Variants in B3GALT1 observed in about 807,000 individuals in gnomAD.
B3GALT1 encodes the protein UDP-Gal:betaGlcNAc beta 1,3-galactosyltransferase, polypeptide 1.
Under a neutral mutation model 23.2 loss-of-function variants are expected in B3GALT1, and 10 were observed. The ratio of observed to expected loss-of-function variants is 0.43; its 90% confidence interval spans 0.27 to 0.73. The LOEUF (loss-of-function observed/expected upper bound fraction) is 0.73. Among genes scored for constraint, B3GALT1 ranks in the 30% least tolerant of loss-of-function variants. The probability of loss-of-function intolerance (pLI) is 0.21; values close to 1 mark genes in which losing one functional copy is unlikely to be tolerated. For missense variants in B3GALT1, 299 were observed against 405.4 expected (o/e 0.74, Z 2.25); for synonymous variants, 156 against 141.5 (o/e 1.10, Z -0.73).
At chr2:167,695,083 T>A (rs1686772115) in intron 3 of B3GALT1, among the ~76,000 whole-genome samples, 1 of 152,156 alleles carries the variant, frequency 6.6e-6, no homozygotes, top group Non-Finnish European at 1.5e-5. Context: ...GATTCATTTC[T>A]AATCTTCTTA....
At chr2:167,675,270 G>A (rs1253923602) in intron 3 of B3GALT1, among the ~76,000 whole-genome samples, 1 of 152,144 alleles carries the variant, frequency 6.6e-6, no homozygotes, top group East Asian at 1.9e-4. Flanking sequence ...TCTGAAAACA[G>A]TTTTATGTTA....
chr2:167,619,806 A>G (rs758421932), intron 2 of B3GALT1, among the ~76,000 whole-genome samples: 1 of 150,902 alleles, frequency 6.6e-6, no homozygotes, highest in Admixed American at 6.6e-5. Flanking sequence ...CTATTCATTC[A>G]TTTAGTCAGT....
chr2:167,797,065 A>G (rs1440026765), intron 3 of B3GALT1, among the ~76,000 whole-genome samples: 1 of 152,114 alleles, frequency 6.6e-6, no homozygotes, highest in African/African-American at 2.4e-5. Context: ...TGCTGCACAG[A>G]TCAACCCATC....
At position 167,523,477 on chromosome 2, in the gene B3GALT1, G is replaced by A. The variant is rs139487494; in HGVS notation, c.-410+33200G>A. Among the ~76,000 whole-genome samples the A allele has an allele frequency of 8.4e-4, 126 of 150,530 alleles. 2 individuals carry two copies. In the East Asian group the frequency reaches 0.019, roughly 23 times the overall value. On this transcript the variant is annotated intron_variant, in intron 2 of 4. Coordinates refer to ENST00000392690, the MANE Select transcript of B3GALT1 (RefSeq NM_020981.4). ...TTTTGCTCCTGTCACCCAGGCTGGAGTGCAGTGGCACAATGTCAGCTTACT... is the reference window on the plus strand; with the variant it reads ...TTTTGCTCCTGTCACCCAGGCTGGAATGCAGTGGCACAATGTCAGCTTACT...
intron 1 of B3GALT1, among the ~76,000 whole-genome samples, chr2:167,391,709 G>A (rs531905048): frequency 8.6e-5 from 13 of 152,044 alleles, no homozygotes; most frequent in African/African-American, 3.1e-4. Flanking sequence ...TTGTCTATTA[G>A]AACTTTACCC....
chr2:167,669,166 A>G (rs1381853105), intron 3 of B3GALT1, among the ~76,000 whole-genome samples: 1 of 152,178 alleles, frequency 6.6e-6, no homozygotes, highest in African/African-American at 2.4e-5. Flanking sequence ...GAATGAAGAC[A>G]TACTTTTTAC....
Position 167,869,438 on chromosome 2 carries a change from G to A in B3GALT1, c.399G>A (p.Glu133=), listed in dbSNP as rs142417537. 77 of 1,614,072 alleles carry A rather than the reference G, an allele frequency of 4.8e-5. 1 individual carries two copies. The Middle Eastern group carries it at 4.9e-4, about 10-fold the overall frequency. ...TTCTCAATCAGATGGTGGAGCAAGA[G>A]AGCCAAATCTTCCATGATATCATCG... ...DPVLNQMVEQ[E]SQIFHDIIVE... is the part of the protein sequence containing the mutation. The change falls in exon 5 of 5, where the codon GAG becomes GAA. Residue 133 remains glutamate (E), a synonymous_variant. Transcript: ENST00000392690. The surrounding 1 kb of genome is among the most constrained non-coding windows in gnomAD (Gnocchi z 6.4).
intron 2 of B3GALT1, among the ~76,000 whole-genome samples, chr2:167,549,455 T>G (rs1476012068): frequency 2.0e-5 from 3 of 152,120 alleles, no homozygotes; most frequent in Non-Finnish European, 4.4e-5. Flanking sequence ...TTCAGACGAG[T>G]TCCTGACAAC....
chr2:167,870,106 T>C lies in B3GALT1; in HGVS notation c.*86T>C. 2 of 1,380,446 alleles carry C rather than the reference T, an allele frequency of 1.4e-6. No individual in the cohort carries two copies. The highest frequency in any genetic ancestry group is 1.9e-6 in the Non-Finnish European group (2 of 1,029,642). 85.5% of individuals were successfully genotyped at this position (1,380,446 alleles called of 1,614,324 possible). ...GGTATTTTCCAGGTGTCGGGGGAAA[T>C]GAACTGGTGAAGGGGTTTTGTAAAG... On this transcript the variant is annotated 3_prime_UTR_variant, in exon 5 of 5. Coordinates refer to ENST00000392690, the MANE Select transcript of B3GALT1 (RefSeq NM_020981.4).
intron 1 of B3GALT1, among the ~76,000 whole-genome samples, chr2:167,390,564 T>C (rs1384558642): frequency 1.3e-5 from 2 of 152,180 alleles, no homozygotes; most frequent in Non-Finnish European, 2.9e-5. Flanking sequence ...ATCTCCATGT[T>C]TTTTCCAGAA....
At chr2:167,371,093 T>C (rs1000456644) in intron 1 of B3GALT1, among the ~76,000 whole-genome samples, 5 of 152,090 alleles carry the variant, frequency 3.3e-5, no homozygotes, top group African/African-American at 1.2e-4. Flanking sequence ...AAAGAAGGGA[T>C]AGCAATCAGT....
chr2:167,426,175 A>G (rs1488609002), intron 1 of B3GALT1, among the ~76,000 whole-genome samples: 1 of 152,170 alleles, frequency 6.6e-6, no homozygotes, highest in Non-Finnish European at 1.5e-5. Context: ...ATTTGCCTCT[A>G]CAGAAGGATT....
chr2:167,591,883 C>T (rs1171333893), intron 2 of B3GALT1, among the ~76,000 whole-genome samples: 2 of 151,968 alleles, frequency 1.3e-5, no homozygotes, highest in African/African-American at 2.4e-5. Flanking sequence ...ATTTCCATGA[C>T]CCAAAGGTGA....
At chr2:167,543,888 C>T (rs1181451220) in intron 2 of B3GALT1, among the ~76,000 whole-genome samples, 1 of 152,184 alleles carries the variant, frequency 6.6e-6, no homozygotes, top group Non-Finnish European at 1.5e-5. Flanking sequence ...ATTTTCCTTA[C>T]ATAACAAGAA....
intron 3 of B3GALT1, among the ~76,000 whole-genome samples, chr2:167,768,438 C>A (rs866034706): frequency 3.3e-5 from 5 of 152,056 alleles, no homozygotes; most frequent in African/African-American, 1.2e-4. Flanking sequence ...AATGGTAGGC[C>A]AAAAAACCTC....
intron 2 of B3GALT1, among the ~76,000 whole-genome samples, chr2:167,608,966 T>G (rs987944722): frequency 6.6e-6 from 1 of 152,130 alleles, no homozygotes; most frequent in Non-Finnish European, 1.5e-5. Context: ...GACTCAGTGA[T>G]GGGATCAGCT....
intron 3 of B3GALT1, among the ~76,000 whole-genome samples, chr2:167,742,802 A>G (rs1384583369): frequency 1.3e-5 from 2 of 152,140 alleles, no homozygotes; most frequent in African/African-American, 4.8e-5. Flanking sequence ...TTGTTGCCCA[A>G]CTTAAAGAAC....
In B3GALT1 at chr2:167,632,061, C is replaced by T. The variant is rs556442202; in HGVS notation, c.-409-14848C>T. On this transcript the variant is annotated intron_variant, in intron 2 of 4. Coordinates refer to ENST00000392690, the MANE Select transcript of B3GALT1 (RefSeq NM_020981.4). ...CATGTGGTGTTCGGTTTTCTCTTCC[C>T]GTGTTAGTTTGCTGAGAATGATGGT... Among the ~76,000 whole-genome samples, 11 of 151,794 alleles carry T rather than the reference C, an allele frequency of 7.2e-5. No individual in the cohort carries two copies. The East Asian group carries it at 7.8e-4, about 11-fold the overall frequency.
intron 3 of B3GALT1, among the ~76,000 whole-genome samples, chr2:167,751,397 C>A (rs745377030): frequency 6.6e-6 from 1 of 152,160 alleles, no homozygotes; most frequent in Non-Finnish European, 1.5e-5. Context: ...AGGCACCAGA[C>A]AATCTGCCCT....
Sources: gnomAD v4.1 joint callset for allele counts (sites outside exome capture counted in the v4.1 genomes callset) on GRCh38, gnomAD v4.1.1 for gene constraint, Gnocchi (gnomAD v3.1) non-coding constraint, MANE v1.5 for transcripts, NCBI Gene and HGNC (gene_info 2026-07-23, HGNC 2026-07-21) for gene names.